The following ZNF385D variants were observed in gnomAD, a reference collection of about 807,000 sequenced individuals.
The protein encoded by ZNF385D is zinc finger protein 385D, also known as zinc finger protein 659.
ZNF385D carries 15 observed loss-of-function variants against 35.8 expected under a neutral mutation model. The ratio of observed to expected loss-of-function variants is 0.42; its 90% CI spans 0.28 to 0.64. ZNF385D has a LOEUF of 0.64. Among genes scored for constraint, ZNF385D ranks in the 30% least tolerant of loss-of-function variants. The probability of loss-of-function intolerance (pLI) is 0.23; values close to 1 mark genes in which losing one functional copy is unlikely to be tolerated. For synonymous variants in ZNF385D, 212 were observed against 186.8 expected (o/e 1.13, Z -1.10); for missense variants, 474 against 494.6 (o/e 0.96, Z 0.39).
intron 2 of ZNF385D, among the ~76,000 whole-genome samples, chr3:22,339,310 T>C (rs1695318062): frequency 6.6e-6 from 1 of 152,232 alleles, no homozygotes; most frequent in African/African-American, 2.4e-5. Context: ...TATTCATGTT[T>C]ATATTAACAT....
At chr3:21,796,299 G>A (rs918293491) in intron 3 of ZNF385D, among the ~76,000 whole-genome samples, 1 of 152,134 alleles carries the variant, frequency 6.6e-6, no homozygotes, top group Non-Finnish European at 1.5e-5. Context: ...ATTAAGACCA[G>A]CATTATCCTT....
chr3:22,359,353 G>T (rs1191570561), intron 2 of ZNF385D, among the ~76,000 whole-genome samples: 3 of 151,710 alleles, frequency 2.0e-5, no homozygotes, highest in African/African-American at 7.3e-5. Flanking sequence ...CATAAAAGAA[G>T]AACAGATGAG....
intron 2 of ZNF385D, among the ~76,000 whole-genome samples, chr3:22,250,746 A>G (rs1280957806): frequency 6.6e-6 from 1 of 152,110 alleles, no homozygotes; most frequent in Non-Finnish European, 1.5e-5. Flanking sequence ...GTTAAATAAC[A>G]CTGCATGACA....
chr3:21,801,943 T>C (rs1286906834), intron 3 of ZNF385D, among the ~76,000 whole-genome samples: 1 of 152,142 alleles, frequency 6.6e-6, no homozygotes, highest in East Asian at 1.9e-4. Flanking sequence ...AATGAAGCCA[T>C]GGGTGTTTTT....
At chr3:21,912,671 G>C (rs1700019267) in intron 3 of ZNF385D, among the ~76,000 whole-genome samples, 1 of 152,018 alleles carries the variant, frequency 6.6e-6, no homozygotes, top group Admixed American at 6.6e-5. Context: ...GCGATCATTA[G>C]AACTTTCCCC....
At chr3:22,332,406 A>G (rs775567779) in intron 2 of ZNF385D, among the ~76,000 whole-genome samples, 3 of 152,224 alleles carry the variant, frequency 2.0e-5, no homozygotes, top group African/African-American at 4.8e-5. Flanking sequence ...ATTATTTATG[A>G]AAATTATTTG....
intron 2 of ZNF385D, among the ~76,000 whole-genome samples, chr3:21,624,564 T>C (rs545440106): frequency 5.3e-5 from 8 of 152,128 alleles, no homozygotes; most frequent in African/African-American, 1.2e-4. Context: ...CTGGCAAGAA[T>C]TGGATTGGTG....
Position 21,726,982 on chromosome 3 carries a change from C to A in ZNF385D, c.22+23913G>T, listed in dbSNP as rs562994764. On this transcript the variant is annotated intron_variant, in intron 1 of 7. Transcript: ENST00000281523. ...CTGGTACCAAAAGAGATATATAGAC[C>A]AATGGAACAGAACAGAGCCCTCAGA... 3.9e-5 allele frequency among the ~76,000 whole-genome samples: 6 copies of A among 152,180 alleles called. No homozygotes were observed. In the East Asian group the frequency reaches 1.2e-3, roughly 29 times the overall value.
chr3:21,514,089 C>A (rs1180483395), intron 3 of ZNF385D, among the ~76,000 whole-genome samples: 1 of 152,094 alleles, frequency 6.6e-6, no homozygotes, highest in Non-Finnish European at 1.5e-5. Flanking sequence ...TGGGATGTCT[C>A]TTTGGGCCTC....
chr3:22,142,413 C>G (rs1295284135), intron 3 of ZNF385D, among the ~76,000 whole-genome samples: 1 of 152,068 alleles, frequency 6.6e-6, no homozygotes, highest in Non-Finnish European at 1.5e-5. Context: ...AAATTGGTGA[C>G]GTATAATAAA....
At chr3:22,347,091 TAAAG>T (rs200115720) in intron 2 of ZNF385D, among the ~76,000 whole-genome samples, 3,342 of 152,080 alleles carry the variant, frequency 0.022, 117 homozygotes, top group African/African-American at 0.077. Context: ...GAAAGTGACA[TAAAG>T]AGAGAGACAC....
At chr3:21,970,814 G>C (rs1585864) in intron 3 of ZNF385D, among the ~76,000 whole-genome samples, 37,762 of 151,758 alleles carry the variant, frequency 0.25, 5,133 homozygotes, top group East Asian at 0.32. Context: ...CCACAAGGAA[G>C]AAGAGAAAAG....
intron 5 of ZNF385D, among the ~76,000 whole-genome samples, chr3:21,431,588 C>T (rs906136354): frequency 6.6e-6 from 1 of 152,088 alleles, no homozygotes; most frequent in African/African-American, 2.4e-5. Flanking sequence ...TAGTGGCTGC[C>T]ATTTTAGATA....
intron 3 of ZNF385D, among the ~76,000 whole-genome samples, chr3:21,905,579 G>C (rs1302107089): frequency 6.6e-6 from 1 of 151,916 alleles, no homozygotes. Context: ...AATGATGGAA[G>C]TCCAGAGCAT....
At chr3:22,127,493 C>T (rs1399618378) in intron 3 of ZNF385D, among the ~76,000 whole-genome samples, 4 of 151,676 alleles carry the variant, frequency 2.6e-5, no homozygotes, top group African/African-American at 7.3e-5. Flanking sequence ...GCACCTGCCA[C>T]CACACCCAGT....
intron 2 of ZNF385D, among the ~76,000 whole-genome samples, chr3:22,239,866 C>T (rs527431459): frequency 4.0e-5 from 6 of 150,658 alleles, no homozygotes; most frequent in Admixed American, 2.0e-4. Context: ...GCACATAGAA[C>T]GTCAGAATTC....
chr3:22,049,537 C>T (rs985533713), intron 3 of ZNF385D, among the ~76,000 whole-genome samples: 10 of 152,044 alleles, frequency 6.6e-5, no homozygotes, highest in Non-Finnish European at 1.3e-4. Context: ...GCTCTAGCTA[C>T]AACTTCTAGT....
intron 2 of ZNF385D, among the ~76,000 whole-genome samples, chr3:22,351,883 T>C (rs1166795965): frequency 6.6e-5 from 10 of 152,240 alleles, no homozygotes; most frequent in East Asian, 1.9e-4. Context: ...CTCCCAAATA[T>C]AGAATGAAAA....
chr3:21,703,421 C>T (rs982084911), intron 1 of ZNF385D, among the ~76,000 whole-genome samples: 2 of 152,096 alleles, frequency 1.3e-5, no homozygotes, highest in Non-Finnish European at 2.9e-5. Context: ...GGTGGGGACA[C>T]AGCCAAACCA....
Sources: allele counts gnomAD v4.1 joint callset (sites outside exome capture counted in the v4.1 genomes callset), GRCh38; gene constraint gnomAD v4.1.1; transcripts MANE v1.5; gene names NCBI Gene and HGNC (gene_info 2026-07-23, HGNC 2026-07-21).